Variants in PVALEF observed in about 807,000 individuals in gnomAD.
PVALEF encodes parvalbumin-like EF-hand-containing protein.
PVALEF carries 2 observed loss-of-function variants against 1.2 expected under a neutral mutation model. The ratio of observed to expected loss-of-function variants is 1.68; its 90% confidence interval spans 0.69 to 5.28. The LOEUF is 5.28. Among genes scored for constraint, PVALEF ranks in the 30% most tolerant of loss-of-function variants. The pLI is 0.06. For synonymous variants in PVALEF, 16 were observed against 6.5 expected (o/e 2.47, Z -2.24); for missense variants, 35 against 17.7 (o/e 1.97, Z -1.75).
At chr17:81,175,052 A>G (rs2061532496) in intron 2 of PVALEF, among the ~76,000 whole-genome samples, 1 of 152,246 alleles carries the variant, frequency 6.6e-6, no homozygotes, top group Non-Finnish European at 1.5e-5. Context: ...TAATGATATC[A>G]GCAAAGTAGC....
chr17:81,167,856 C>T (rs538699327), intron 2 of PVALEF, among the ~76,000 whole-genome samples: 70 of 152,318 alleles, frequency 4.6e-4, no homozygotes, highest in African/African-American at 1.5e-3. Context: ...GGGCCTTGCC[C>T]GCAGGAGGCA....
At chr17:81,179,204 G>A (rs1194179597) in intron 3 of PVALEF, 52 bp downstream of exon 3, 19 of 284,422 alleles carry the variant, frequency 6.7e-5, no homozygotes, top group South Asian at 3.7e-4. Context: ...GAGGTTATCC[G>A]AGCTGGATGG....
At chr17:81,173,657 G>C (rs780242698) in intron 2 of PVALEF, among the ~76,000 whole-genome samples, 3 of 152,186 alleles carry the variant, frequency 2.0e-5, no homozygotes, top group Non-Finnish European at 4.4e-5. Flanking sequence ...TAAGAAGATT[G>C]AATCAGTGAT....
chr17:81,182,548 G>A (rs1112501), intron 6 of PVALEF, among the ~76,000 whole-genome samples: 7,039 of 152,250 alleles, frequency 0.046, 575 homozygotes, highest in African/African-American at 0.16. Context: ...TTGTGGCGGG[G>A]GGGTCACAAG....
intron 2 of PVALEF, among the ~76,000 whole-genome samples, chr17:81,172,214 G>A (rs1731916633): frequency 6.6e-6 from 1 of 152,218 alleles, no homozygotes; most frequent in Admixed American, 6.5e-5. Flanking sequence ...GCTGCTTGCT[G>A]GAGACAGACT....
Position 81,181,167 on chromosome 17 carries a change from C to A in PVALEF, c.-60C>A. On this transcript the variant is annotated 5_prime_UTR_variant, in exon 4 of 7. Coordinates refer to ENST00000637878, the MANE Select transcript of PVALEF (RefSeq NM_001354639.2). ...GCGTCTACGTCTGCTCTGGCCCAAG[C>A]AGCACCCCCAATCCGTGCGTGCACC... 1 of 698,436 alleles carries A rather than the reference C, an allele frequency of 1.4e-6. No individual in the cohort carries two copies. Among genetic ancestry groups the A allele is most frequent in the Non-Finnish European group, 2.6e-6 (1 of 382,556 alleles). The allele number at this position is 698,436 out of a possible 1,614,324, so 43.3% of individuals were successfully genotyped here.
chr17:81,178,880 T>C (rs1474403609), intron 2 of PVALEF, 38 bp from the exon 3 acceptor site: 1 of 233,800 alleles, frequency 4.3e-6, no homozygotes, highest in Non-Finnish European at 9.1e-6. Context: ...GCTCACTGGC[T>C]CACTGGTGCC....
At chr17:81,171,395 AG>A (rs1024821892) in intron 2 of PVALEF, among the ~76,000 whole-genome samples, 15 of 152,340 alleles carry the variant, frequency 9.8e-5, no homozygotes, top group Admixed American at 7.8e-4. Context: ...CAGGCGGGCC[AG>A]GGGCAGGTCC....
At chr17:81,175,681 T>TG (rs1321172761) in intron 2 of PVALEF, among the ~76,000 whole-genome samples, 1 of 152,070 alleles carries the variant, frequency 6.6e-6, no homozygotes, top group Admixed American at 6.6e-5. Flanking sequence ...GACCATTCAA[T>TG]GGGGAAAAAA....
chr17:81,169,967 T>C (rs2061513530), intron 2 of PVALEF, among the ~76,000 whole-genome samples: 2 of 146,414 alleles, frequency 1.4e-5, no homozygotes, highest in Non-Finnish European at 3.0e-5. Flanking sequence ...TCGGTGTTGG[T>C]ATGTGTACAT....
chr17:81,181,843 C>T (rs2061555302), intron 5 of PVALEF, 123 bp from the exon 6 acceptor site: 3 of 397,990 alleles, frequency 7.5e-6, no homozygotes, highest in Non-Finnish European at 1.3e-5. Flanking sequence ...GCCCAGGAGG[C>T]TCAGAGGCCC....
At chr17:81,178,238 A>C (rs1225367726) in intron 2 of PVALEF, among the ~76,000 whole-genome samples, 1 of 152,188 alleles carries the variant, frequency 6.6e-6, no homozygotes, top group Non-Finnish European at 1.5e-5. Context: ...AGCAGAGGCT[A>C]CCACGGCCTA....
chr17:81,174,721 G>A (rs1214557093), intron 2 of PVALEF, among the ~76,000 whole-genome samples: 3 of 151,962 alleles, frequency 2.0e-5, no homozygotes, highest in African/African-American at 4.8e-5. Context: ...AGGCCAAGGC[G>A]GGTGGATCAC....
At chr17:81,182,884 C>G (rs2061559608) in intron 6 of PVALEF, 81 bp from the exon 7 acceptor site, 2 of 398,096 alleles carry the variant, frequency 5.0e-6, no homozygotes, top group Middle Eastern at 6.3e-4. Context: ...CTCCCTCTGC[C>G]TCCTCTGAGA....
Sources: allele counts gnomAD v4.1 joint callset (sites outside exome capture counted in the v4.1 genomes callset), GRCh38; gene constraint gnomAD v4.1.1; transcripts MANE v1.5; gene names NCBI Gene and HGNC (gene_info 2026-07-23, HGNC 2026-07-21).